TGIF1: variants seen among roughly 807,000 people sequenced by gnomAD.
TGIF1 encodes the protein homeobox protein TGIF1.
Under a neutral mutation model 19.3 loss-of-function variants are expected in TGIF1, and 4 were observed. The observed-to-expected ratio is 0.21, with a 90% CI of 0.10 to 0.47. The LOEUF is 0.47. Ranked by LOEUF, TGIF1 falls within the 20% of genes least tolerant of loss-of-function variation. The pLI is 0.98. For missense variants in TGIF1, 275 were observed against 341.4 expected, an observed-to-expected ratio of 0.81 and a Z score of 1.53; for synonymous variants, 122 against 129.3, an observed-to-expected ratio of 0.94 and a Z score of 0.38.
chr18:3,435,452 C>T (rs1328353206), intron 2 of TGIF1, among the ~76,000 whole-genome samples: 1 of 152,152 alleles, frequency 6.6e-6, no homozygotes, highest in African/African-American at 2.4e-5. Flanking sequence ...CCTGCCTCGG[C>T]CTCCCAAAGT....
rs892060141 is a variant in TGIF1 at position 3,458,044 on chromosome 18, G to A, written c.*104G>A. 5 of 1,075,806 alleles carry A rather than the reference G, an allele frequency of 4.6e-6. No individual in the cohort carries two copies. The highest frequency in any genetic ancestry group is 6.8e-6 in the Non-Finnish European group (5 of 738,622). 66.6% of individuals were successfully genotyped at this position (1,075,806 alleles called of 1,614,324 possible). A position where few individuals can be genotyped will look rare whatever the true frequency, so the allele number is the denominator to read the frequency against. The stretch of plus-strand genomic sequence containing the variant: ...ATATTTTTTATTAATATTTGCACAT[G>A]GGATTGCTAAAACAGCTTCCTGTTA... On this transcript the variant is annotated 3_prime_UTR_variant, in exon 3 of 3. Coordinates refer to ENST00000343820, the MANE Select transcript of TGIF1 (RefSeq NM_003244.4).
At chr18:3,437,360 A>T (rs926897493) in intron 2 of TGIF1, among the ~76,000 whole-genome samples, 2 of 152,164 alleles carry the variant, frequency 1.3e-5, no homozygotes, top group African/African-American at 4.8e-5. Flanking sequence ...AGCTTAGGCC[A>T]CCTGTTACCA....
intron 2 of TGIF1, among the ~76,000 whole-genome samples, chr18:3,421,647 G>C (rs961970498): frequency 7.9e-5 from 12 of 151,870 alleles, no homozygotes; most frequent in African/African-American, 2.4e-4. Context: ...CCCGACCTCA[G>C]GTGATCCACC....
chr18:3,423,212 G>A (rs62082329), intron 2 of TGIF1, among the ~76,000 whole-genome samples: 354 of 152,142 alleles, frequency 2.3e-3, no homozygotes, highest in Non-Finnish European at 3.9e-3. Flanking sequence ...ATGTCTCCCC[G>A]TCGTTGATGC....
At chr18:3,445,752 A>AAAAG (rs1568041600), upstream of TGIF1, among the ~76,000 whole-genome samples, 39 of 114,990 alleles carry the variant, frequency 3.4e-4, 2 homozygotes, top group African/African-American at 1.5e-3. Flanking sequence ...AAAAAAAAAA[A>AAAAG]AGAGAAGAAA....
At chr18:3,440,842 T>TA (rs1479634875) in intron 2 of TGIF1, among the ~76,000 whole-genome samples, 5 of 152,184 alleles carry the variant, frequency 3.3e-5, no homozygotes, top group Non-Finnish European at 5.9e-5. Flanking sequence ...TCTCCACACT[T>TA]ACATCACTCC....
rs2082863454 is a variant in TGIF1 at position 3,450,293 on chromosome 18, G to T, written c.-197G>T. Reference sequence around the variant, plus strand: ...TGCCAGAAGATCCCGGCGGGAGGAAGCCCAAGTGTCACTTGAATTCCACCC... The same window carrying T: ...TGCCAGAAGATCCCGGCGGGAGGAATCCCAAGTGTCACTTGAATTCCACCC... On this transcript the variant is annotated 5_prime_UTR_variant, in exon 1 of 3. Coordinates refer to ENST00000343820, the MANE Select transcript of TGIF1 (RefSeq NM_003244.4). The T allele has an allele frequency of 6.9e-7, 1 of 1,442,774 alleles. No individual in the cohort carries two copies. The highest frequency in any genetic ancestry group is 9.1e-7 in the Non-Finnish European group (1 of 1,099,766). The allele number at this position is 1,442,774 out of a possible 1,614,324, so 89.4% of individuals were successfully genotyped here. A position where few individuals can be genotyped will look rare whatever the true frequency, so the allele number is the denominator to read the frequency against.
At chr18:3,452,439 G>C in intron 1 of TGIF1, 1 of 1,610,842 alleles carries the variant, frequency 6.2e-7, no homozygotes, top group Non-Finnish European at 8.5e-7. Flanking sequence ...GGGGAGCCGA[G>C]GCTGCCGAGG....
Position 3,451,779 on chromosome 18 carries a change from G to T in TGIF1, c.16+1274G>T. 1 of 1,261,426 alleles carries T rather than the reference G, an allele frequency of 7.9e-7. No individual in the cohort carries two copies. Among genetic ancestry groups the T allele is most frequent in the Non-Finnish European group, 1.0e-6 (1 of 1,004,026 alleles). The allele number at this position is 1,261,426 out of a possible 1,614,324, so 78.1% of individuals were successfully genotyped here. On this transcript the variant is annotated intron_variant, in intron 1 of 2. Coordinates refer to ENST00000343820, the MANE Select transcript of TGIF1 (RefSeq NM_003244.4). This position sits in a 1 kb window ranked among gnomAD's most constrained non-coding sequence, Gnocchi z 5.4. ...GATCAACTGGCAGTCGTTGTTGGTAGAACGCCCTAAGGACCCCTCCCCGCG... is the reference window on the plus strand; with the variant it reads ...GATCAACTGGCAGTCGTTGTTGGTATAACGCCCTAAGGACCCCTCCCCGCG...
At chr18:3,423,578 G>A (rs1039570062) in intron 2 of TGIF1, among the ~76,000 whole-genome samples, 1 of 152,076 alleles carries the variant, frequency 6.6e-6, no homozygotes, top group East Asian at 1.9e-4. Context: ...CTACTCAGGA[G>A]CTACTGAGGC....
chr18:3,431,081 T>C (rs2082541027), intron 2 of TGIF1, among the ~76,000 whole-genome samples: 1 of 152,040 alleles, frequency 6.6e-6, no homozygotes, highest in Non-Finnish European at 1.5e-5. Context: ...TGGAGGTAAG[T>C]CGAAAGGATA....
intron 2 of TGIF1, among the ~76,000 whole-genome samples, chr18:3,428,523 G>A (rs752428801): frequency 9.9e-5 from 15 of 151,710 alleles, no homozygotes; most frequent in Non-Finnish European, 2.1e-4. Context: ...AGATCATGAG[G>A]TCGGGAGATC....
chr18:3,424,370 C>T (rs183267655), intron 2 of TGIF1, among the ~76,000 whole-genome samples: 50 of 152,204 alleles, frequency 3.3e-4, no homozygotes, highest in Admixed American at 9.8e-4. Flanking sequence ...CAAGTTTTTA[C>T]TGTAATCCAT....
upstream of TGIF1, chr18:3,448,354 G>A (rs968759719): frequency 3.0e-6 from 3 of 1,004,810 alleles, no homozygotes; most frequent in African/African-American, 1.7e-5. Flanking sequence ...AAATAGCGAG[G>A]CGGCCCCCTC....
At chr18:3,447,598 A>G (rs1031766837), upstream of TGIF1, 7 of 936,118 alleles carry the variant, frequency 7.5e-6, no homozygotes, top group Non-Finnish European at 1.2e-5. Context: ...AACTCCAAAC[A>G]AGTTTGAGAT....
chr18:3,453,474 G>C (rs1020923271), intron 1 of TGIF1, among the ~76,000 whole-genome samples: 2 of 151,872 alleles, frequency 1.3e-5, no homozygotes, highest in African/African-American at 4.8e-5. Flanking sequence ...ATCATCTGAG[G>C]TCGGGAGTTC....
At position 3,458,162 on chromosome 18, in the gene TGIF1, G is replaced by A. The variant is rs1331788615; in HGVS notation, c.*222G>A. Reference sequence around the variant, plus strand: ...GGGTTTTCTTTTTTAAATGTTTCTTGGTAGATTATTCATAATGTGAGATGG... The same window carrying A: ...GGGTTTTCTTTTTTAAATGTTTCTTAGTAGATTATTCATAATGTGAGATGG... On this transcript the variant is annotated 3_prime_UTR_variant, in exon 3 of 3. Transcript: ENST00000343820. 1 of 531,216 alleles carries A rather than the reference G, an allele frequency of 1.9e-6. No homozygotes were observed. The highest frequency in any genetic ancestry group is 3.4e-5 in the Admixed American group (1 of 29,138). 32.9% of individuals were successfully genotyped at this position (531,216 alleles called of 1,614,324 possible).
intron 2 of TGIF1, chr18:3,418,551 G>T (rs2082361274): frequency 6.6e-6 from 1 of 152,116 alleles, no homozygotes; most frequent in South Asian, 2.1e-4. Context: ...ATAAATAGTT[G>T]TTATACTGTA....
At chr18:3,452,233 C>G (rs1294394950) in intron 1 of TGIF1, 1 of 1,609,040 alleles carries the variant, frequency 6.2e-7, no homozygotes, top group Non-Finnish European at 8.5e-7. Context: ...CCTCCTCCAC[C>G]GGCGCGCTGC....
Sources: allele counts gnomAD v4.1 joint callset (sites outside exome capture counted in the v4.1 genomes callset), GRCh38; gene constraint gnomAD v4.1.1; non-coding constraint Gnocchi (gnomAD v3.1); transcripts MANE v1.5; gene names NCBI Gene and HGNC (gene_info 2026-07-23, HGNC 2026-07-21).